The following TYW1B variants were observed in gnomAD, a reference collection of about 807,000 sequenced individuals.
The protein encoded by TYW1B is S-adenosyl-L-methionine-dependent tRNA 4-demethylwyosine synthase TYW1B.
A neutral mutation model predicts 86.9 loss-of-function variants in TYW1B; 73 were observed. The observed-to-expected ratio is 0.84, with a 90% CI of 0.70 to 1.02. TYW1B has a LOEUF of 1.02. Among genes scored for constraint, TYW1B ranks in the 50% least tolerant of loss-of-function variants. The pLI, the probability that TYW1B is intolerant of heterozygous loss-of-function variation, is 0.00. For missense variants in TYW1B, 637 were observed against 827.4 expected (o/e 0.77, Z 2.82); for synonymous variants, 248 against 292.8 (o/e 0.85, Z 1.56).
At chr7:72,812,993 C>G (rs1178466815) in intron 3 of TYW1B, among the ~76,000 whole-genome samples, 2 of 151,926 alleles carry the variant, frequency 1.3e-5, no homozygotes, top group Non-Finnish European at 2.9e-5. Context: ...CCCACCTGGC[C>G]TCTGTTTTTT....
At chr7:72,782,212 C>G (rs538339437) in intron 6 of TYW1B, among the ~76,000 whole-genome samples, 1 of 151,920 alleles carries the variant, frequency 6.6e-6, no homozygotes, top group Non-Finnish European at 1.5e-5. Context: ...TCACTTGAGC[C>G]CAGGAGTTCA....
chr7:72,722,486 G>C (rs1786922484), intron 9 of TYW1B, among the ~76,000 whole-genome samples: 1 of 152,174 alleles, frequency 6.6e-6, no homozygotes, highest in African/African-American at 2.4e-5. Flanking sequence ...ATTTTGAATA[G>C]ACACTGAGTG....
At chr7:72,629,989 TG>T (rs1318224136) in intron 11 of TYW1B, among the ~76,000 whole-genome samples, 26 of 152,258 alleles carry the variant, frequency 1.7e-4, no homozygotes, top group African/African-American at 6.0e-4. Context: ...TTATTAATAA[TG>T]GCTTAAGGCC....
intron 11 of TYW1B, among the ~76,000 whole-genome samples, chr7:72,632,505 T>TTA (rs1228436759): frequency 8.7e-6 from 1 of 114,316 alleles, no homozygotes; most frequent in Non-Finnish European, 1.7e-5. Flanking sequence ...TACATATATA[T>TTA]TATATATATT....
At chr7:72,656,763 G>T (rs116810042) in intron 11 of TYW1B, among the ~76,000 whole-genome samples, 1,789 of 152,334 alleles carry the variant, frequency 0.012, 37 homozygotes, top group African/African-American at 0.041. Flanking sequence ...CATGGTGGAA[G>T]GTGAAGGGGG....
At chr7:72,669,282 T>C (rs1265430413) in intron 11 of TYW1B, among the ~76,000 whole-genome samples, 1 of 151,534 alleles carries the variant, frequency 6.6e-6, no homozygotes, top group Admixed American at 6.6e-5. Flanking sequence ...GTAGCTCAGA[T>C]CACAGGCGCC....
intron 11 of TYW1B, among the ~76,000 whole-genome samples, chr7:72,633,640 CTG>C (rs1275512197): frequency 6.6e-6 from 1 of 152,096 alleles, no homozygotes; most frequent in African/African-American, 2.4e-5. Context: ...TAGTTTTTGC[CTG>C]TGTTTGGAAT....
intron 2 of TYW1B, among the ~76,000 whole-genome samples, chr7:72,823,575 G>A (rs1249677930): frequency 5.3e-5 from 8 of 151,678 alleles, no homozygotes; most frequent in African/African-American, 1.9e-4. Flanking sequence ...AGCCGAGATC[G>A]CGCCACTGCA....
chr7:72,809,677 A>T (rs1788564388), intron 4 of TYW1B, among the ~76,000 whole-genome samples: 1 of 151,560 alleles, frequency 6.6e-6, no homozygotes, highest in African/African-American at 2.4e-5. Flanking sequence ...AATTAAAAAA[A>T]AATTTTTTTT....
chr7:72,706,481 C>A (rs1814619542), intron 10 of TYW1B, among the ~76,000 whole-genome samples: 2 of 147,466 alleles, frequency 1.4e-5, no homozygotes, highest in East Asian at 2.0e-4. Context: ...CTCAAAAGTT[C>A]TTTGTGTACC....
intron 13 of TYW1B, among the ~76,000 whole-genome samples, chr7:72,604,356 G>A (rs1163644800): frequency 6.6e-6 from 1 of 152,084 alleles, no homozygotes; most frequent in African/African-American, 2.4e-5. Context: ...CAGCTACTCA[G>A]GAAGCTGAGG....
intron 7 of TYW1B, among the ~76,000 whole-genome samples, chr7:72,746,915 G>A (rs1325573417): frequency 2.6e-5 from 4 of 152,176 alleles, no homozygotes; most frequent in Non-Finnish European, 4.4e-5. Flanking sequence ...AAAAAATGAT[G>A]TCTCCAAATG....
In TYW1B at chr7:72,613,401, C is replaced by CTTTTT. The variant is rs71517349; in HGVS notation, c.1785+3266_1785+3270dup. 3.4e-3 allele frequency among the ~76,000 whole-genome samples: 273 copies of CTTTTT among 80,954 alleles called. 4 individuals carry two copies. Among genetic ancestry groups the CTTTTT allele is most frequent in the African/African-American group, 5.7e-3 (109 of 18,976 alleles). 53.1% of individuals were successfully genotyped at this position (80,954 alleles called of 152,430 possible). A position where few individuals can be genotyped will look rare whatever the true frequency, so the allele number is the denominator to read the frequency against. ...AATTAAAATATTTACTTTATATCTT[C>CTTTTT]TTTTTTTTTTTTTTTTTTTTTTTTG... On this transcript the variant is annotated intron_variant, in intron 13 of 13. Transcript: ENST00000620995.
intron 9 of TYW1B, among the ~76,000 whole-genome samples, chr7:72,717,605 G>A (rs1295775002): frequency 2.0e-5 from 3 of 151,652 alleles, no homozygotes; most frequent in African/African-American, 2.4e-5. Flanking sequence ...GTCATTCTCC[G>A]GGTATGTTTA....
At chr7:72,637,593 A>C (rs1585867002) in intron 11 of TYW1B, among the ~76,000 whole-genome samples, 1 of 152,038 alleles carries the variant, frequency 6.6e-6, no homozygotes, top group East Asian at 1.9e-4. Flanking sequence ...GCTTTTTTAT[A>C]ATCCTATTTT....
In TYW1B at chr7:72,635,228, T is replaced by C. The variant is rs1307491913; in HGVS notation, c.1507-6231A>G. Among the ~76,000 whole-genome samples the C allele has an allele frequency of 3.7e-4, 57 of 152,222 alleles. 1 individual carries two copies. Among genetic ancestry groups the C allele is most frequent in the Non-Finnish European group, 1.5e-5 (1 of 68,046 alleles). On this transcript the variant is annotated intron_variant, in intron 11 of 13. Transcript: ENST00000620995. ...ACTGTAATAAATATGATAGAATCATTGTCTATGCATGTGAGGGTCTCCTTC... is the reference window on the plus strand; with the variant it reads ...ACTGTAATAAATATGATAGAATCATCGTCTATGCATGTGAGGGTCTCCTTC...
intron 13 of TYW1B, among the ~76,000 whole-genome samples, chr7:72,576,613 C>G (rs1313116880): frequency 6.6e-6 from 1 of 151,508 alleles, no homozygotes; most frequent in Non-Finnish European, 1.5e-5. Flanking sequence ...CCTGCGTTCA[C>G]GCCATTCTCC....
rs1814514460 is a variant in TYW1B, at chr7:72,703,009, TA to T, written c.1371-8188del. Among the ~76,000 whole-genome samples, 23 of 30,344 alleles carry T rather than the reference TA, an allele frequency of 7.6e-4. 1 individual carries two copies. Among genetic ancestry groups the T allele is most frequent in the African/African-American group, 2.2e-3 (21 of 9,456 alleles). The allele number at this position is 30,344 out of a possible 152,430, so 19.9% of individuals were successfully genotyped here. On this transcript the variant is annotated intron_variant, in intron 10 of 13. Coordinates refer to ENST00000620995, the MANE Select transcript of TYW1B (RefSeq NM_001145440.3). ...ATCTATATATATATATATATATATA[TA>T]TATATATATATATATATTTTTTTTT...
Position 72,574,664 on chromosome 7 carries a change from C to A in TYW1B, c.*834G>T. 1 of 985,356 alleles carries A rather than the reference C, an allele frequency of 1.0e-6. No individual in the cohort carries two copies. The allele number at this position is 985,356 out of a possible 1,614,324, so 61.0% of individuals were successfully genotyped here. A position where few individuals can be genotyped will look rare whatever the true frequency, so the allele number is the denominator to read the frequency against. On this transcript the variant is annotated 3_prime_UTR_variant, in exon 14 of 14. Coordinates refer to ENST00000620995, the MANE Select transcript of TYW1B (RefSeq NM_001145440.3). The stretch of plus-strand genomic sequence containing the variant: ...ACAGATTGTGTAAAGCAGCGAGGGC[C>A]ACAGGAGTCAAAGAAGATGGAGACC...
Sources: gnomAD v4.1 joint callset for allele counts (sites outside exome capture counted in the v4.1 genomes callset) on GRCh38, gnomAD v4.1.1 for gene constraint, MANE v1.5 for transcripts, NCBI Gene and HGNC (gene_info 2026-07-23, HGNC 2026-07-21) for gene names.